Variants in ZNF618 observed in about 807,000 individuals in gnomAD.
ZNF618 encodes the protein zinc finger protein 618, also known as neural precursor cell expressed, developmentally down-regulated 10.
Under a neutral mutation model 103.0 loss-of-function variants are expected in ZNF618, and 34 were observed. The ratio of observed to expected loss-of-function variants is 0.33; its 90% CI spans 0.25 to 0.44. ZNF618 has a LOEUF of 0.44. Among genes scored for constraint, ZNF618 ranks in the 20% least tolerant of loss-of-function variants. The probability of loss-of-function intolerance (pLI) is 1.00; values close to 1 mark genes in which losing one functional copy is unlikely to be tolerated. For missense variants in ZNF618, 1,059 were observed against 1,295.4 expected (o/e 0.82, Z 2.80); for synonymous variants, 551 against 542.2 (o/e 1.02, Z -0.23).
intron 14 of ZNF618, 62 bp from the exon 15 acceptor site, chr9:114,048,589 T>A: frequency 6.6e-7 from 1 of 1,525,784 alleles, no homozygotes; most frequent in Non-Finnish European, 8.9e-7. Flanking sequence ...GTTAGGCTAC[T>A]GCCACTCCAA....
intron 1 of ZNF618, among the ~76,000 whole-genome samples, chr9:113,943,711 G>A (rs996806111): frequency 7.2e-5 from 11 of 151,964 alleles, no homozygotes; most frequent in African/African-American, 2.4e-4. Context: ...GTCCCACTCC[G>A]GGCCATTGGT....
intron 2 of ZNF618, among the ~76,000 whole-genome samples, chr9:113,979,348 C>A (rs1838774841): frequency 2.0e-5 from 3 of 152,214 alleles, no homozygotes; most frequent in Non-Finnish European, 4.4e-5. Flanking sequence ...TATTACCAGG[C>A]TGCTGTATCT....
At chr9:114,007,574 G>T in intron 7 of ZNF618, 135 bp downstream of exon 7, 2 of 751,900 alleles carry the variant, frequency 2.7e-6, no homozygotes, top group Non-Finnish European at 4.3e-6. Flanking sequence ...ACCATGAGGG[G>T]AATGACCAGC....
intron 1 of ZNF618, among the ~76,000 whole-genome samples, chr9:113,937,273 G>A: frequency 6.6e-6 from 1 of 151,730 alleles, no homozygotes; most frequent in East Asian, 1.9e-4. Context: ...CCACCCCACT[G>A]TCTTTATAAA....
chr9:114,005,446 T>C (rs760790434), intron 6 of ZNF618, among the ~76,000 whole-genome samples: 1 of 152,184 alleles, frequency 6.6e-6, no homozygotes, highest in Non-Finnish European at 1.5e-5. Context: ...GTGGGGGTAT[T>C]CTCAGCAGCA....
intron 9 of ZNF618, among the ~76,000 whole-genome samples, chr9:114,013,301 A>G (rs1389266751): frequency 6.6e-6 from 1 of 152,286 alleles, no homozygotes; most frequent in African/African-American, 2.4e-5. Context: ...TGAGAAATTC[A>G]TAGTATAAGA....
At chr9:113,931,621 G>A (rs897013157) in intron 1 of ZNF618, among the ~76,000 whole-genome samples, 9 of 152,204 alleles carry the variant, frequency 5.9e-5, no homozygotes, top group African/African-American at 2.2e-4. Context: ...GTAGCCACAA[G>A]CCACATGGGG....
intron 9 of ZNF618, among the ~76,000 whole-genome samples, chr9:114,014,145 G>T (rs1443939947): frequency 6.6e-6 from 1 of 152,196 alleles, no homozygotes; most frequent in Non-Finnish European, 1.5e-5. Context: ...TATCAAACAA[G>T]TGGGAATTAA....
intron 2 of ZNF618, among the ~76,000 whole-genome samples, chr9:113,979,665 C>G (rs980590574): frequency 1.3e-5 from 2 of 152,240 alleles, no homozygotes; most frequent in African/African-American, 4.8e-5. Context: ...TGGCATTGAC[C>G]TTTCCTGGGC....
chr9:113,881,396 C>T (rs1828501042), intron 1 of ZNF618, among the ~76,000 whole-genome samples: 1 of 152,146 alleles, frequency 6.6e-6, no homozygotes, highest in African/African-American at 2.4e-5. Context: ...TTAATTTTCT[C>T]ACAGTGTATT....
rs1467819720 is a variant in ZNF618, at chr9:114,055,206, CGGAA to C, written c.*5043_*5046del. 1 of 152,104 alleles carries C rather than the reference CGGAA, an allele frequency of 6.6e-6. No individual in the cohort carries two copies. The highest frequency in any genetic ancestry group is 1.9e-4 in the East Asian group (1 of 5,144). 9.4% of individuals were successfully genotyped at this position (152,104 alleles called of 1,614,324 possible). A position where few individuals can be genotyped will look rare whatever the true frequency, so the allele number is the denominator to read the frequency against. On this transcript the variant is annotated 3_prime_UTR_variant, in exon 15 of 15. Coordinates refer to ENST00000374126, the MANE Select transcript of ZNF618 (RefSeq NM_001318042.2). ...ACAGATGATGAGGTCTGAGACCAGC[CGGAA>C]GGAGGGGCTCCTGCCATAACCCAGG...
At chr9:113,964,038 T>TG (rs1837116048) in intron 1 of ZNF618, among the ~76,000 whole-genome samples, 1 of 152,104 alleles carries the variant, frequency 6.6e-6, no homozygotes, top group African/African-American at 2.4e-5. Flanking sequence ...TGAGTTGCGG[T>TG]GGGGGAGGAA....
intron 1 of ZNF618, among the ~76,000 whole-genome samples, chr9:113,918,822 A>T (rs1832363576): frequency 6.6e-6 from 1 of 151,898 alleles, no homozygotes; most frequent in South Asian, 2.1e-4. Context: ...ATCAGCCCTT[A>T]CCCCATGGCA....
At chr9:113,930,360 C>T (rs1297499640) in intron 1 of ZNF618, among the ~76,000 whole-genome samples, 1 of 152,082 alleles carries the variant, frequency 6.6e-6, no homozygotes, top group Non-Finnish European at 1.5e-5. Context: ...AATCATAGTC[C>T]CAGTTCTACT....
chr9:114,004,241 G>A (rs1338390066), intron 6 of ZNF618, among the ~76,000 whole-genome samples: 3 of 152,154 alleles, frequency 2.0e-5, no homozygotes, highest in Admixed American at 6.5e-5. Flanking sequence ...GTTCCAGAGA[G>A]AAATCTGAGG....
intron 9 of ZNF618, among the ~76,000 whole-genome samples, chr9:114,014,318 C>T (rs1842487365): frequency 6.6e-6 from 1 of 152,156 alleles, no homozygotes; most frequent in Admixed American, 6.5e-5. Flanking sequence ...AGGTTAATTC[C>T]TTATCTTTAC....
intron 2 of ZNF618, among the ~76,000 whole-genome samples, chr9:113,981,304 G>A (rs929810822): frequency 5.3e-5 from 8 of 152,132 alleles, no homozygotes; most frequent in African/African-American, 1.7e-4. Context: ...GGGTCCTCAG[G>A]CTGAGTCTTG....
chr9:113,987,774 G>A (rs896451483), intron 2 of ZNF618, among the ~76,000 whole-genome samples: 3 of 152,182 alleles, frequency 2.0e-5, no homozygotes, highest in Non-Finnish European at 2.9e-5. Flanking sequence ...TGGGAGGGTC[G>A]CTTGAGCCCA....
intron 2 of ZNF618, among the ~76,000 whole-genome samples, chr9:113,969,803 A>C (rs1478297496): frequency 1.3e-5 from 2 of 152,148 alleles, no homozygotes; most frequent in Non-Finnish European, 2.9e-5. Context: ...TGCTGCTGTT[A>C]CGTTGGGTAG....
Sources: allele counts gnomAD v4.1 joint callset (sites outside exome capture counted in the v4.1 genomes callset), GRCh38; gene constraint gnomAD v4.1.1; transcripts MANE v1.5; gene names NCBI Gene and HGNC (gene_info 2026-07-23, HGNC 2026-07-21).